The following PARP8 variants were observed in gnomAD, a reference collection of about 807,000 sequenced individuals.
PARP8 encodes the protein poly(ADP-ribose) polymerase family member 8.
Under a neutral mutation model 124.1 loss-of-function variants are expected in PARP8, and 51 were observed. That is an observed-to-expected ratio of 0.41 (90% confidence interval 0.33 to 0.52). PARP8 has a LOEUF of 0.52. Among genes scored for constraint, PARP8 ranks in the 20% least tolerant of loss-of-function variants. The probability of loss-of-function intolerance (pLI) is 0.21; values close to 1 mark genes in which losing one functional copy is unlikely to be tolerated. For missense variants in PARP8, 860 were observed against 1,018.9 expected (o/e 0.84, Z 2.12); for synonymous variants, 391 against 361.5 (o/e 1.08, Z -0.93).
At position 50,834,981 on chromosome 5, in the gene PARP8, A is replaced by C. The variant is rs1372293643; in HGVS notation, c.2428A>C (p.Asn810His). Residue 810 changes from asparagine to histidine, a missense_variant, in exon 25 of 26, where the codon AAT becomes CAT. By Grantham distance (68) the Asn-to-His change is moderately conservative (BLOSUM62 1). This residue lies in a region of PARP8 where 343 missense variants were observed against 474.7 expected (regional missense o/e 0.72). Coordinates refer to ENST00000281631, the MANE Select transcript of PARP8 (RefSeq NM_024615.4). ...ACATGGAGAGATATGGGTTGTCCCC[A>C]ATACTGACCATGTCTGCACACGATT... Reference protein sequence around the residue: ...HKHGEIWVVPNTDHVCTRFFF... With the variant: ...HKHGEIWVVPHTDHVCTRFFF... 1.9e-6 allele frequency: 3 copies of C among 1,613,508 alleles called. No homozygotes were observed. The highest frequency in any genetic ancestry group is 2.5e-6 in the Non-Finnish European group (3 of 1,179,650).
intron 2 of PARP8, among the ~76,000 whole-genome samples, chr5:50,690,316 T>G (rs1035539967): frequency 6.6e-6 from 1 of 152,178 alleles, no homozygotes; most frequent in East Asian, 1.9e-4. Context: ...TTAGAGAACT[T>G]AAGAGTAGAA....
intron 2 of PARP8, among the ~76,000 whole-genome samples, chr5:50,694,918 G>A (rs918268860): frequency 1.3e-5 from 2 of 152,178 alleles, no homozygotes; most frequent in African/African-American, 4.8e-5. Flanking sequence ...GGAGTGTAAT[G>A]TTCTAGTCTG....
intron 2 of PARP8, among the ~76,000 whole-genome samples, chr5:50,737,264 A>G (rs1757561804): frequency 6.6e-6 from 1 of 152,168 alleles, no homozygotes; most frequent in Non-Finnish European, 1.5e-5. Context: ...GTTGCTTGCT[A>G]TTCCTGATTA....
chr5:50,808,126 C>T (rs1198712465), intron 14 of PARP8, among the ~76,000 whole-genome samples: 3 of 151,878 alleles, frequency 2.0e-5, no homozygotes, highest in Admixed American at 6.6e-5. Flanking sequence ...CAAAAAATGA[C>T]TGAGGCAGGT....
intron 9 of PARP8, 30 bp downstream of exon 9, chr5:50,778,680 G>C (rs779503804): frequency 2.1e-6 from 3 of 1,455,456 alleles, no homozygotes; most frequent in Non-Finnish European, 2.8e-6. Context: ...TTATTATTTT[G>C]AATATTAATT....
chr5:50,741,831 G>A (rs1463112202), intron 2 of PARP8: 3 of 426,914 alleles, frequency 7.0e-6, no homozygotes, highest in Non-Finnish European at 1.4e-5. Flanking sequence ...TTTTTTTTAG[G>A]TAGAATTTCA....
At chr5:50,832,908 G>T (rs979913813) in intron 23 of PARP8, 54 bp downstream of exon 23, 17 of 1,507,394 alleles carry the variant, frequency 1.1e-5, no homozygotes, top group Non-Finnish European at 1.6e-5. Context: ...GGCCTCATCA[G>T]CCAGCAGAGC....
chr5:50,781,581 G>A (rs1001750416), intron 9 of PARP8, among the ~76,000 whole-genome samples: 2 of 152,154 alleles, frequency 1.3e-5, no homozygotes, highest in African/African-American at 2.4e-5. Context: ...GTTCCCCTGG[G>A]TCCCCTTTCC....
chr5:50,814,803 C>T (rs746206376), intron 14 of PARP8, among the ~76,000 whole-genome samples: 1 of 152,094 alleles, frequency 6.6e-6, no homozygotes, highest in Non-Finnish European at 1.5e-5. Context: ...TAAGATAAAT[C>T]AGAGGAATGA....
chr5:50,823,098 T>A (rs763911147), intron 17 of PARP8, among the ~76,000 whole-genome samples: 2 of 152,230 alleles, frequency 1.3e-5, no homozygotes, highest in Non-Finnish European at 2.9e-5. Flanking sequence ...GCAGCTTGCA[T>A]GTAGTGGTTT....
chr5:50,768,655 A>G (rs921772173), intron 7 of PARP8, among the ~76,000 whole-genome samples: 2 of 152,208 alleles, frequency 1.3e-5, no homozygotes, highest in African/African-American at 4.8e-5. Flanking sequence ...TCAGGACACA[A>G]TCAGATGTCT....
intron 8 of PARP8, among the ~76,000 whole-genome samples, 193 bp from the exon 9 acceptor site, chr5:50,778,367 T>C (rs1740274268): frequency 6.6e-6 from 1 of 152,208 alleles, no homozygotes; most frequent in Non-Finnish European, 1.5e-5. Context: ...TACTTCGTTA[T>C]ATTTTAAGTA....
At chr5:50,711,256 T>A (rs1348578492) in intron 2 of PARP8, among the ~76,000 whole-genome samples, 2 of 152,162 alleles carry the variant, frequency 1.3e-5, no homozygotes, top group African/African-American at 2.4e-5. Context: ...TTACTACCTT[T>A]TTCCATGCAA....
chr5:50,814,930 C>T (rs1190767829), intron 14 of PARP8, among the ~76,000 whole-genome samples: 5 of 151,932 alleles, frequency 3.3e-5, no homozygotes, highest in Non-Finnish European at 7.4e-5. Flanking sequence ...TGCAACAAAA[C>T]GAGTCTTTCA....
At chr5:50,696,163 T>C (rs1226986062) in intron 2 of PARP8, among the ~76,000 whole-genome samples, 1 of 152,220 alleles carries the variant, frequency 6.6e-6, no homozygotes, top group African/African-American at 2.4e-5. Flanking sequence ...AACTATACCA[T>C]AGCTCTTTCT....
intron 1 of PARP8, 153 bp from the exon 2 acceptor site, chr5:50,667,918 G>C (rs1212614329): frequency 4.0e-6 from 6 of 1,513,386 alleles, no homozygotes; most frequent in Admixed American, 2.2e-5. Flanking sequence ...GCATCCCCTC[G>C]GACGCGGCGC....
intron 2 of PARP8, among the ~76,000 whole-genome samples, chr5:50,724,788 G>A (rs1756249107): frequency 6.6e-6 from 1 of 151,200 alleles, no homozygotes; most frequent in Admixed American, 6.6e-5. Flanking sequence ...TGAGATTTTA[G>A]TGCACCTGTC....
At chr5:50,754,608 A>C (rs1481341839) in intron 3 of PARP8, among the ~76,000 whole-genome samples, 1 of 152,036 alleles carries the variant, frequency 6.6e-6, no homozygotes, top group Non-Finnish European at 1.5e-5. Context: ...GTTGGTTCCA[A>C]GTCTTTGCTA....
chr5:50,712,975 C>T (rs1754931274), intron 2 of PARP8, among the ~76,000 whole-genome samples: 1 of 151,240 alleles, frequency 6.6e-6, no homozygotes, highest in South Asian at 2.1e-4. Flanking sequence ...ATAATAACAA[C>T]TAAAATTTAT....
Sources: gnomAD v4.1 joint callset for allele counts (sites outside exome capture counted in the v4.1 genomes callset) on GRCh38, gnomAD v4.1.1 for gene constraint, gnomAD v4.1.1 regional missense constraint, MANE v1.5 for transcripts, NCBI Gene and HGNC (gene_info 2026-07-23, HGNC 2026-07-21) for gene names.